Variants in EYS observed in about 807,000 individuals in gnomAD.
The protein encoded by EYS is protein eyes shut homolog.
EYS carries 250 observed loss-of-function variants against 282.1 expected under a neutral mutation model. The observed-to-expected ratio is 0.89, with a 90% CI of 0.80 to 0.98. The LOEUF (loss-of-function observed/expected upper bound fraction) is 0.98, where lower values mean the gene tolerates loss of function less well. Among genes scored for constraint, EYS ranks in the 50% least tolerant of loss-of-function variants. EYS has a pLI of 0.00. For missense variants in EYS, 4,016 were observed against 3,709.0 expected, an observed-to-expected ratio of 1.08 and a Z score of -2.15; for synonymous variants, 1,355 against 1,282.9, an observed-to-expected ratio of 1.06 and a Z score of -1.20.
intron 2 of EYS, among the ~76,000 whole-genome samples, chr6:65,604,030 C>A (rs1929323): frequency 6.6e-6 from 1 of 151,608 alleles, no homozygotes; most frequent in Admixed American, 6.6e-5. Context: ...TATTTTCAAA[C>A]TGTACTTTTT....
intron 22 of EYS, among the ~76,000 whole-genome samples, chr6:64,751,029 C>T (rs1772730095): frequency 6.6e-6 from 1 of 152,124 alleles, no homozygotes; most frequent in South Asian, 2.1e-4. Context: ...CCCTCCTTTG[C>T]TGTGTAGAGA....
At chr6:64,550,366 G>T (rs1406665550) in intron 26 of EYS, among the ~76,000 whole-genome samples, 1 of 151,948 alleles carries the variant, frequency 6.6e-6, no homozygotes, top group Non-Finnish European at 1.5e-5. Flanking sequence ...GTGTAAAAGT[G>T]TTCCTATTTC....
At chr6:65,491,421 C>G (rs1367248785) in intron 4 of EYS, 1 of 308,282 alleles carries the variant, frequency 3.2e-6, no homozygotes, top group Non-Finnish European at 6.4e-6. Context: ...TGTTACAAAC[C>G]AACTGCATGT....
rs200657162 is a variant in EYS, at chr6:64,550,141, A to T, written c.5644+40082T>A. Among the ~76,000 whole-genome samples, 3 of 152,100 alleles carry T rather than the reference A, an allele frequency of 2.0e-5. No homozygotes were observed. In the South Asian group the frequency reaches 6.2e-4, roughly 32 times the overall value. ...TTTCTTAATCGAGTCTATCATTGTTAGACATTTGGGTTGGTTCCAAGTCTT... is the reference window on the plus strand; with the variant it reads ...TTTCTTAATCGAGTCTATCATTGTTTGACATTTGGGTTGGTTCCAAGTCTT... On this transcript the variant is annotated intron_variant, in intron 26 of 42. Coordinates refer to ENST00000503581, the MANE Select transcript of EYS (RefSeq NM_001142800.2).
chr6:65,629,282 G>T (rs932792225), intron 2 of EYS, among the ~76,000 whole-genome samples: 1 of 152,112 alleles, frequency 6.6e-6, no homozygotes, highest in East Asian at 1.9e-4. Flanking sequence ...ACACACAAAA[G>T]ACTTGAATCT....
At chr6:64,600,979 G>T (rs114834832) in intron 24 of EYS, among the ~76,000 whole-genome samples, 52 of 152,104 alleles carry the variant, frequency 3.4e-4, no homozygotes, top group African/African-American at 1.2e-3. Context: ...CTATTGTGCT[G>T]TTAAATACAA....
intron 2 of EYS, among the ~76,000 whole-genome samples, chr6:65,627,255 G>C (rs1766736512): frequency 6.7e-6 from 1 of 150,086 alleles, no homozygotes; most frequent in Admixed American, 6.6e-5. Context: ...CCATGAAAGA[G>C]AGAAAATATC....
At chr6:63,849,216 C>T (rs1441245462) in intron 36 of EYS, among the ~76,000 whole-genome samples, 1 of 152,212 alleles carries the variant, frequency 6.6e-6, no homozygotes, top group Non-Finnish European at 1.5e-5. Context: ...ACTCCCATCT[C>T]CCTGGGACAG....
chr6:63,854,608 C>T (rs979916088), intron 36 of EYS, among the ~76,000 whole-genome samples: 1 of 152,100 alleles, frequency 6.6e-6, no homozygotes, highest in Non-Finnish European at 1.5e-5. Context: ...TATCCCAGAA[C>T]TTAAAGTATA....
At chr6:64,329,455 G>A (rs1402503350) in intron 29 of EYS, among the ~76,000 whole-genome samples, 2 of 152,024 alleles carry the variant, frequency 1.3e-5, no homozygotes, top group African/African-American at 4.8e-5. Context: ...GAGGAATGGA[G>A]ACTCTATGAG....
At chr6:64,346,872 C>T (rs1419572654) in intron 29 of EYS, among the ~76,000 whole-genome samples, 2 of 151,358 alleles carry the variant, frequency 1.3e-5, no homozygotes, top group Non-Finnish European at 3.0e-5. Flanking sequence ...AAAAAACCTA[C>T]ACTTCTAAAT....
chr6:65,542,118 A>T (rs9363389), intron 2 of EYS, among the ~76,000 whole-genome samples: 31,545 of 152,036 alleles, frequency 0.21, 3,662 homozygotes, highest in East Asian at 0.31. Flanking sequence ...AAATATACAG[A>T]TAGATTTGAC....
intron 19 of EYS, among the ~76,000 whole-genome samples, chr6:64,863,292 T>C (rs1354440161): frequency 6.6e-6 from 1 of 152,220 alleles, no homozygotes; most frequent in Non-Finnish European, 1.5e-5. Flanking sequence ...TCTTTCCCTT[T>C]CTCTGTTGAG....
chr6:64,415,149 G>C (rs999239845), intron 28 of EYS, among the ~76,000 whole-genome samples: 5 of 152,174 alleles, frequency 3.3e-5, no homozygotes, highest in African/African-American at 1.2e-4. Flanking sequence ...TCTGGGTGTT[G>C]CCAACCAACA....
At chr6:64,629,824 T>A (rs1021002299) in intron 22 of EYS, among the ~76,000 whole-genome samples, 16 of 152,198 alleles carry the variant, frequency 1.1e-4, no homozygotes, top group African/African-American at 3.9e-4. Flanking sequence ...TCTACAAAGA[T>A]AATGATTGCA....
chr6:64,686,597 G>T (rs12205996), intron 22 of EYS, among the ~76,000 whole-genome samples: 101,312 of 148,968 alleles, frequency 0.68, 35,543 homozygotes, highest in Middle Eastern at 0.77. Flanking sequence ...AAAATTTAGC[G>T]GGCCATGGTG....
intron 30 of EYS, among the ~76,000 whole-genome samples, chr6:64,257,802 T>C (rs1348421520): frequency 1.3e-5 from 2 of 151,870 alleles, no homozygotes; most frequent in Non-Finnish European, 2.9e-5. Context: ...ATGATGATGA[T>C]GATGTTGGCC....
At chr6:65,520,940 A>T (rs112969973) in intron 2 of EYS, among the ~76,000 whole-genome samples, 1 of 152,146 alleles carries the variant, frequency 6.6e-6, no homozygotes, top group Non-Finnish European at 1.5e-5. Context: ...AGTAACAAAC[A>T]TCTTCTCAAA....
At chr6:64,152,235 G>A (rs1290773829) in intron 31 of EYS, among the ~76,000 whole-genome samples, 1 of 152,164 alleles carries the variant, frequency 6.6e-6, no homozygotes. Context: ...TGCTGGACAA[G>A]TTGTAAAAAT....
Sources: allele counts gnomAD v4.1 joint callset (sites outside exome capture counted in the v4.1 genomes callset), GRCh38; gene constraint gnomAD v4.1.1; transcripts MANE v1.5; gene names NCBI Gene and HGNC (gene_info 2026-07-23, HGNC 2026-07-21).